Variants in CNTN5 observed in about 807,000 individuals in gnomAD.
The protein encoded by CNTN5 is contactin-5.
CNTN5 carries 77 observed loss-of-function variants against 129.1 expected under a neutral mutation model. That is an observed-to-expected ratio of 0.60 (90% CI 0.50 to 0.72). The LOEUF (loss-of-function observed/expected upper bound fraction) is 0.72. Among genes scored for constraint, CNTN5 ranks in the 30% least tolerant of loss-of-function variants. CNTN5 has a pLI of 0.00. For missense variants in CNTN5, 1,478 were observed against 1,328.8 expected, an observed-to-expected ratio of 1.11 and a Z score of -1.75; for synonymous variants, 509 against 465.6, an observed-to-expected ratio of 1.09 and a Z score of -1.20.
intron 24 of CNTN5, among the ~76,000 whole-genome samples, chr11:100,353,776 G>C (rs1332210841): frequency 6.6e-6 from 1 of 151,560 alleles, no homozygotes; most frequent in Non-Finnish European, 1.5e-5. Flanking sequence ...TTTTTCAAAG[G>C]AAAGATTTAC....
chr11:100,188,909 C>T lies in CNTN5; in HGVS notation c.1581-2217C>T, dbSNP rs144207065. Among the ~76,000 whole-genome samples, 177 of 152,184 alleles carry T rather than the reference C, an allele frequency of 1.2e-3. 3 individuals are homozygous for T. The highest frequency in any genetic ancestry group is 1.8e-3 in the Non-Finnish European group (120 of 67,996). ...AATACTAGCCAGCCATAAAAATGAACGAGATCTTGTCCTTTGTAACAACAT... is the reference window on the plus strand; with the variant it reads ...AATACTAGCCAGCCATAAAAATGAATGAGATCTTGTCCTTTGTAACAACAT... On this transcript the variant is annotated intron_variant, in intron 13 of 24. Transcript: ENST00000524871.
chr11:99,196,584 CATTGAAGTA>C, intron 1 of CNTN5, among the ~76,000 whole-genome samples: 2 of 152,022 alleles, frequency 1.3e-5, no homozygotes, highest in Admixed American at 6.6e-5. Context: ...TTTTCCACTA[CATTGAAGTA>C]ATTGAAGTAT....
intron 2 of CNTN5, among the ~76,000 whole-genome samples, chr11:99,454,102 A>G (rs1944407882): frequency 6.6e-6 from 1 of 152,210 alleles, no homozygotes; most frequent in Non-Finnish European, 1.5e-5. Context: ...CCCACAGTGT[A>G]TTTGCCCCAA....
At chr11:99,376,541 C>A (rs1366029399) in intron 2 of CNTN5, among the ~76,000 whole-genome samples, 2 of 152,140 alleles carry the variant, frequency 1.3e-5, no homozygotes, top group East Asian at 1.9e-4. Context: ...AGCAAGTTAT[C>A]TCAGATGTCT....
chr11:100,337,511 G>T, intron 21 of CNTN5: 1 of 741,220 alleles, frequency 1.3e-6, no homozygotes, highest in Non-Finnish European at 2.5e-6. Context: ...TCAAGAACCA[G>T]CTCAAACGCA....
At chr11:100,313,761 T>G (rs1951521997) in intron 21 of CNTN5, among the ~76,000 whole-genome samples, 1 of 152,018 alleles carries the variant, frequency 6.6e-6, no homozygotes, top group Non-Finnish European at 1.5e-5. Context: ...CCTGGCACAC[T>G]CAGCATTTAG....
chr11:99,072,691 C>T (rs1363163339), intron 1 of CNTN5, among the ~76,000 whole-genome samples: 1 of 151,822 alleles, frequency 6.6e-6, no homozygotes, highest in Admixed American at 6.6e-5. Flanking sequence ...CTTTTTTTAG[C>T]TTGCTTTTTG....
chr11:100,161,461 CTT>C (rs1947442553), intron 13 of CNTN5, among the ~76,000 whole-genome samples: 1 of 151,818 alleles, frequency 6.6e-6, no homozygotes, highest in Non-Finnish European at 1.5e-5. Flanking sequence ...ATATTTTACT[CTT>C]TGCAATTTGT....
intron 2 of CNTN5, among the ~76,000 whole-genome samples, chr11:99,449,471 T>C (rs986532330): frequency 9.2e-5 from 14 of 152,238 alleles, no homozygotes; most frequent in African/African-American, 3.4e-4. Context: ...CTTTCTAATA[T>C]GAACAAATAA....
chr11:100,103,363 C>T (rs1158409177), intron 13 of CNTN5, among the ~76,000 whole-genome samples: 7 of 152,116 alleles, frequency 4.6e-5, no homozygotes, highest in Admixed American at 2.0e-4. Flanking sequence ...TCTGATTTCA[C>T]GCGTGGGTAC....
At chr11:99,981,197 A>T (rs1224630106) in intron 8 of CNTN5, among the ~76,000 whole-genome samples, 1 of 151,206 alleles carries the variant, frequency 6.6e-6, no homozygotes, top group African/African-American at 2.4e-5. Context: ...ACCATCTGCA[A>T]GCTAAAGACC....
chr11:99,582,383 G>A (rs1949636846), intron 3 of CNTN5, among the ~76,000 whole-genome samples: 1 of 152,084 alleles, frequency 6.6e-6, no homozygotes, highest in African/African-American at 2.4e-5. Context: ...GCCTTGCTAG[G>A]TTGGAGAAGT....
intron 8 of CNTN5, among the ~76,000 whole-genome samples, chr11:99,961,644 A>C (rs1950949608): frequency 6.6e-6 from 1 of 152,226 alleles, no homozygotes; most frequent in Admixed American, 6.5e-5. Flanking sequence ...CTATTTCAAT[A>C]AAATGTTGAA....
At chr11:99,560,136 T>G (rs1948793266) in intron 3 of CNTN5, among the ~76,000 whole-genome samples, 2 of 152,042 alleles carry the variant, frequency 1.3e-5, no homozygotes, top group Admixed American at 1.3e-4. Context: ...ATGCAAGATA[T>G]TACACATTTA....
chr11:100,050,135 A>G (rs1186287801), intron 9 of CNTN5, among the ~76,000 whole-genome samples: 1 of 152,192 alleles, frequency 6.6e-6, no homozygotes, highest in Non-Finnish European at 1.5e-5. Context: ...CTATATACCC[A>G]AAGGACTATA....
intron 6 of CNTN5, among the ~76,000 whole-genome samples, chr11:99,859,363 C>G (rs1451119494): frequency 6.6e-6 from 1 of 152,050 alleles, no homozygotes; most frequent in Non-Finnish European, 1.5e-5. Flanking sequence ...TTATTTTCTC[C>G]CAACTCTTAT....
intron 3 of CNTN5, among the ~76,000 whole-genome samples, chr11:99,656,510 A>C (rs1182764409): frequency 1.5e-5 from 2 of 136,490 alleles, no homozygotes; most frequent in African/African-American, 5.2e-5. Context: ...AGAAGGGCAA[A>C]ATTTCTGGAA....
At chr11:99,370,824 T>C (rs1164803598) in intron 2 of CNTN5, among the ~76,000 whole-genome samples, 1 of 152,242 alleles carries the variant, frequency 6.6e-6, no homozygotes, top group Admixed American at 6.5e-5. Flanking sequence ...TTCTGAACTT[T>C]GGAGAAGACT....
At chr11:99,087,914 T>C (rs1352805587) in intron 1 of CNTN5, among the ~76,000 whole-genome samples, 4 of 152,208 alleles carry the variant, frequency 2.6e-5, no homozygotes, top group African/African-American at 2.4e-5. Context: ...CAGAGTCCCA[T>C]GGTCAGAAGG....
Sources: allele counts gnomAD v4.1 joint callset (sites outside exome capture counted in the v4.1 genomes callset), GRCh38; gene constraint gnomAD v4.1.1; transcripts MANE v1.5; gene names NCBI Gene and HGNC (gene_info 2026-07-23, HGNC 2026-07-21).